The following SF3A1 variants were observed in gnomAD, a reference collection of about 807,000 sequenced individuals.
SF3A1 encodes SAP 114.
SF3A1 carries 13 observed loss-of-function variants against 89.9 expected under a neutral mutation model. The observed-to-expected ratio is 0.14, with a 90% confidence interval of 0.09 to 0.23. SF3A1 has a LOEUF of 0.23. Among genes scored for constraint, SF3A1 ranks in the 10% least tolerant of loss-of-function variants. The probability of loss-of-function intolerance (pLI) is 1.00; values close to 1 mark genes in which losing one functional copy is unlikely to be tolerated. For synonymous variants in SF3A1, 405 were observed against 374.4 expected, an observed-to-expected ratio of 1.08 and a Z score of -0.94; for missense variants, 604 against 1,022.1, an observed-to-expected ratio of 0.59 and a Z score of 5.58.
At position 30,334,532 on chromosome 22, in the gene SF3A1, G is replaced by T; in HGVS notation, c.*62C>A. Reference sequence around the variant, plus strand: ...AGCCTCAGGGGGGCTCCTGGGTCTGGGGCAGGGGGTGGGAGACAGGAGAGG... The same window carrying T: ...AGCCTCAGGGGGGCTCCTGGGTCTGTGGCAGGGGGTGGGAGACAGGAGAGG... On this transcript the variant is annotated 3_prime_UTR_variant, in exon 16 of 16. Transcript: ENST00000215793. 9.4e-7 allele frequency: 1 copy of T among 1,062,524 alleles called. No individual in the cohort carries two copies. The highest frequency in any genetic ancestry group is 1.4e-6 in the Non-Finnish European group (1 of 731,790). 65.8% of individuals were successfully genotyped at this position (1,062,524 alleles called of 1,614,324 possible). A position where few individuals can be genotyped will look rare whatever the true frequency, so the allele number is the denominator to read the frequency against.
chr22:30,355,033 C>T (rs939201664), intron 1 of SF3A1, among the ~76,000 whole-genome samples: 10 of 147,768 alleles, frequency 6.8e-5, no homozygotes, highest in Non-Finnish European at 1.4e-4. Context: ...ATTAAGTACT[C>T]TTTTTTTTTT....
intron 2 of SF3A1, among the ~76,000 whole-genome samples, chr22:30,346,721 A>G (rs560944167): frequency 6.6e-6 from 1 of 152,272 alleles, no homozygotes; most frequent in African/African-American, 2.4e-5. Flanking sequence ...CACCTCTGCC[A>G]CAGGGTTTCC....
intron 5 of SF3A1, 187 bp downstream of exon 5, chr22:30,342,618 C>G: frequency 4.8e-6 from 3 of 624,916 alleles, no homozygotes; most frequent in Non-Finnish European, 8.4e-6. Context: ...GAGAGCAAAG[C>G]AGAAAGTTGT....
intron 1 of SF3A1, among the ~76,000 whole-genome samples, chr22:30,353,336 C>G (rs907454516): frequency 6.6e-6 from 1 of 152,194 alleles, no homozygotes; most frequent in African/African-American, 2.4e-5. Flanking sequence ...TGCATTTTTA[C>G]TATGGTATGA....
At chr22:30,356,524 G>C in intron 1 of SF3A1, 1 of 409,646 alleles carries the variant, frequency 2.4e-6, no homozygotes, top group Non-Finnish European at 4.3e-6. Flanking sequence ...CGTGCCGACG[G>C]GGCTGCTCCG....
intron 2 of SF3A1, among the ~76,000 whole-genome samples, chr22:30,351,812 T>G (rs1273940633): frequency 6.6e-6 from 1 of 152,230 alleles, no homozygotes; most frequent in African/African-American, 2.4e-5. Context: ...CATTTTTAAA[T>G]AGTAGCAACA....
chr22:30,338,241 C>T (rs1931136610), intron 11 of SF3A1, among the ~76,000 whole-genome samples: 1 of 152,026 alleles, frequency 6.6e-6, no homozygotes, highest in African/African-American at 2.4e-5. Flanking sequence ...GGCAGATCAC[C>T]GGAGGTCGGG....
In SF3A1 at chr22:30,356,872, G is replaced by A. The variant is rs1271989361; in HGVS notation, c.-80C>T. 4 of 1,175,818 alleles carry A rather than the reference G, an allele frequency of 3.4e-6. No individual in the cohort carries two copies. The highest frequency in any genetic ancestry group is 3.2e-5 in the East Asian group (1 of 31,418). 72.8% of individuals were successfully genotyped at this position (1,175,818 alleles called of 1,614,324 possible). A position where few individuals can be genotyped will look rare whatever the true frequency, so the allele number is the denominator to read the frequency against. On this transcript the variant is annotated 5_prime_UTR_variant, in exon 1 of 16. Transcript: ENST00000215793. ...TCAAGACAGCCTCCCCGCTCGGTCA[G>A]TACGACGAGCTCGCAAGATGGCGGC...
At chr22:30,338,458 CAAA>C (rs11442423) in intron 11 of SF3A1, among the ~76,000 whole-genome samples, 3 of 119,846 alleles carry the variant, frequency 2.5e-5, no homozygotes, top group Admixed American at 8.6e-5. Flanking sequence ...AACTTCATCT[CAAA>C]AAAAAAAAAA....
chr22:30,348,275 G>C (rs1308852394), intron 2 of SF3A1, among the ~76,000 whole-genome samples: 1 of 152,144 alleles, frequency 6.6e-6, no homozygotes, highest in Non-Finnish European at 1.5e-5. Context: ...ACACACCAAG[G>C]CATGGCCCCG....
chr22:30,341,517 CGG>C (rs2145808474), intron 7 of SF3A1, among the ~76,000 whole-genome samples, 173 bp downstream of exon 7: 1 of 152,056 alleles, frequency 6.6e-6, no homozygotes, highest in African/African-American at 2.4e-5. Context: ...TCTTTGTTGC[CGG>C]AGCTGGAAAG....
rs559914233 is a variant in SF3A1 at position 30,350,414 on chromosome 22, C to T, written c.185+2537G>A. On this transcript the variant is annotated intron_variant, in intron 2 of 15. Coordinates refer to ENST00000215793, the MANE Select transcript of SF3A1 (RefSeq NM_005877.6). Reference sequence around the variant, plus strand: ...GGAGGATAACTTGAGCCCAGGAGTTCAAGGCTGCAGTGAGCTGTTATCATG... The same window carrying T: ...GGAGGATAACTTGAGCCCAGGAGTTTAAGGCTGCAGTGAGCTGTTATCATG... Among the ~76,000 whole-genome samples, 12 of 152,124 alleles carry T rather than the reference C, an allele frequency of 7.9e-5. No individual in the cohort carries two copies. In the South Asian group the frequency reaches 1.5e-3, roughly 18 times the overall value.
Position 30,356,861 on chromosome 22 carries a change from C to G in SF3A1, c.-69G>C. On this transcript the variant is annotated 5_prime_UTR_variant, in exon 1 of 16. Coordinates refer to ENST00000215793, the MANE Select transcript of SF3A1 (RefSeq NM_005877.6). ...GCGGTGCCGCCTCAAGACAGCCTCC[C>G]CGCTCGGTCAGTACGACGAGCTCGC... 2.4e-6 allele frequency: 3 copies of G among 1,237,816 alleles called. No individual in the cohort carries two copies. The highest frequency in any genetic ancestry group is 3.1e-6 in the Non-Finnish European group (3 of 974,318). The allele number at this position is 1,237,816 out of a possible 1,614,324, so 76.7% of individuals were successfully genotyped here. A position where few individuals can be genotyped will look rare whatever the true frequency, so the allele number is the denominator to read the frequency against.
chr22:30,349,646 G>A (rs1208294425), intron 2 of SF3A1, among the ~76,000 whole-genome samples: 1 of 150,170 alleles, frequency 6.7e-6, no homozygotes, highest in African/African-American at 2.5e-5. Flanking sequence ...GGATGTGCAT[G>A]GTTTTGGATT....
intron 3 of SF3A1, 56 bp from the exon 4 acceptor site, chr22:30,345,246 G>A: frequency 1.1e-6 from 1 of 907,514 alleles, no homozygotes; most frequent in Non-Finnish European, 1.6e-6. Flanking sequence ...GGCTCCAGGG[G>A]AGGGGAGGGG....
Position 30,341,755 on chromosome 22 carries a change from C to A in SF3A1, c.1008G>T (p.Gln336His), listed in dbSNP as rs766342805. Residue 336 changes from glutamine to histidine, a missense_variant, in exon 7 of 16, where the codon CAG becomes CAT. By Grantham distance (24) the Gln-to-His change is conservative. This residue lies in a region of SF3A1 where 146 missense variants were observed against 228.5 expected (regional missense o/e 0.64). Coordinates refer to ENST00000215793, the MANE Select transcript of SF3A1 (RefSeq NM_005877.6). ...GGGAAGGAGGCTCCTCCGCCTTCTCCTGTTTGTCATCCTCCTCATCAGACT... is the reference window on the plus strand; with the variant it reads ...GGGAAGGAGGCTCCTCCGCCTTCTCATGTTTGTCATCCTCCTCATCAGACT... ...EVESDEEDDK[Q>H]EKAEEPPSQL... The A allele has an allele frequency of 6.2e-6, 10 of 1,614,166 alleles. No individual in the cohort carries two copies. Among genetic ancestry groups the A allele is most frequent in the Non-Finnish European group, 8.5e-6 (10 of 1,180,034 alleles).
intron 4 of SF3A1, 100 bp from the exon 5 acceptor site, chr22:30,342,979 C>T (rs1162934682): frequency 2.8e-6 from 2 of 723,202 alleles, no homozygotes; most frequent in South Asian, 3.3e-5. Flanking sequence ...GATGAGGAAG[C>T]ATGGGATTCT....
chr22:30,334,519 G>A lies in SF3A1; in HGVS notation c.*75C>T, dbSNP rs1601688634. On this transcript the variant is annotated 3_prime_UTR_variant, in exon 16 of 16. Coordinates refer to ENST00000215793, the MANE Select transcript of SF3A1 (RefSeq NM_005877.6). Reference sequence around the variant, plus strand: ...GCAGGCAAGGCAAAGCCTCAGGGGGGCTCCTGGGTCTGGGGCAGGGGGTGG... The same window carrying A: ...GCAGGCAAGGCAAAGCCTCAGGGGGACTCCTGGGTCTGGGGCAGGGGGTGG... 1.1e-6 allele frequency: 1 copy of A among 877,852 alleles called. No homozygotes were observed. 54.4% of individuals were successfully genotyped at this position (877,852 alleles called of 1,614,324 possible). A position where few individuals can be genotyped will look rare whatever the true frequency, so the allele number is the denominator to read the frequency against.
Position 30,356,374 on chromosome 22 carries a change from C to A in SF3A1, c.63+356G>T, listed in dbSNP as rs1234136281. ...GAAAGGCTGTGGCCGGCGGCCCCAA[C>A]TGCTACATAAGATCAGAGGATGGGC... On this transcript the variant is annotated intron_variant, in intron 1 of 15. Transcript: ENST00000215793. Among the ~76,000 whole-genome samples, 3 of 152,262 alleles carry A rather than the reference C, an allele frequency of 2.0e-5. No individual in the cohort carries two copies. The East Asian group carries it at 5.8e-4, about 29-fold the overall frequency.
Sources: allele counts gnomAD v4.1 joint callset (sites outside exome capture counted in the v4.1 genomes callset), GRCh38; gene constraint gnomAD v4.1.1; regional missense constraint gnomAD v4.1.1; transcripts MANE v1.5; gene names NCBI Gene and HGNC (gene_info 2026-07-23, HGNC 2026-07-21).